STK39: variants seen among roughly 807,000 people sequenced by gnomAD.
The protein encoded by STK39 is STE20/SPS1-related proline-alanine-rich protein kinase.
In STK39, 20 loss-of-function variants were observed where a neutral mutation model predicts 77.8. The ratio of observed to expected loss-of-function variants is 0.26; its 90% CI spans 0.18 to 0.37. The LOEUF (loss-of-function observed/expected upper bound fraction) is 0.37. Among genes scored for constraint, STK39 ranks in the 10% least tolerant of loss-of-function variants. STK39 has a pLI of 1.00. For synonymous variants in STK39, 246 were observed against 234.1 expected (o/e 1.05, Z -0.47); for missense variants, 479 against 656.5 (o/e 0.73, Z 2.95).
At chr2:168,043,829 T>A (rs946464854) in intron 14 of STK39, among the ~76,000 whole-genome samples, 5 of 152,228 alleles carry the variant, frequency 3.3e-5, no homozygotes, top group African/African-American at 1.2e-4. Context: ...GGATTTTAAT[T>A]TCCATTTTTT....
intron 17 of STK39, among the ~76,000 whole-genome samples, chr2:167,960,101 G>A (rs1371044853): frequency 6.6e-6 from 1 of 152,156 alleles, no homozygotes; most frequent in African/African-American, 2.4e-5. Flanking sequence ...TGCAGGAAGG[G>A]CCCTCTGACT....
intron 10 of STK39, among the ~76,000 whole-genome samples, chr2:168,098,802 A>T (rs72889640): frequency 0.32 from 48,641 of 152,138 alleles, 7,975 homozygotes; most frequent in Non-Finnish European, 0.33. Context: ...CTCTTCCAAC[A>T]ATGTATTAAT....
At chr2:167,983,012 G>A (rs149645121) in intron 16 of STK39, among the ~76,000 whole-genome samples, 133 of 152,260 alleles carry the variant, frequency 8.7e-4, no homozygotes, top group South Asian at 1.9e-3. Flanking sequence ...AATATTGAGC[G>A]CAGTGTCTAG....
chr2:168,209,000 G>A (rs980696177), intron 1 of STK39, among the ~76,000 whole-genome samples: 4 of 152,170 alleles, frequency 2.6e-5, no homozygotes, highest in Admixed American at 1.3e-4. Flanking sequence ...AGCCCAGCCT[G>A]ACTGGTAGAA....
intron 10 of STK39, among the ~76,000 whole-genome samples, chr2:168,081,866 G>A (rs567886518): frequency 2.2e-4 from 33 of 152,142 alleles, no homozygotes; most frequent in Non-Finnish European, 3.7e-4. Flanking sequence ...AGCTCTCTTT[G>A]CCTACTGACA....
chr2:168,183,942 T>C (rs966774239), intron 1 of STK39, among the ~76,000 whole-genome samples: 1 of 151,710 alleles, frequency 6.6e-6, no homozygotes, highest in South Asian at 2.1e-4. Context: ...GAAAGTGCTA[T>C]GCAGCTGGTT....
chr2:167,958,004 C>T (rs922186494), intron 17 of STK39, among the ~76,000 whole-genome samples: 1 of 152,226 alleles, frequency 6.6e-6, no homozygotes, highest in African/African-American at 2.4e-5. Flanking sequence ...GCCCTCCTTC[C>T]TCTGCTACCT....
At chr2:167,979,006 C>T (rs546172180) in intron 16 of STK39, among the ~76,000 whole-genome samples, 7 of 152,054 alleles carry the variant, frequency 4.6e-5, no homozygotes, top group Admixed American at 2.0e-4. Flanking sequence ...GGAACATGAT[C>T]GATAATTCAT....
intron 1 of STK39, among the ~76,000 whole-genome samples, chr2:168,184,220 C>A (rs1026550624): frequency 5.3e-5 from 8 of 152,112 alleles, no homozygotes; most frequent in Non-Finnish European, 1.2e-4. Flanking sequence ...CTCCAAGGAA[C>A]AAAAAATAAG....
chr2:168,157,966 C>T (rs948850063), intron 5 of STK39, among the ~76,000 whole-genome samples: 4 of 152,058 alleles, frequency 2.6e-5, no homozygotes, highest in African/African-American at 9.7e-5. Flanking sequence ...CAGAAACCAC[C>T]TCAAAGTGAT....
rs183634219 is a variant in STK39, at chr2:168,063,560, T to C, written c.1316A>G (p.Asn439Ser). 34 of 1,612,658 alleles carry C rather than the reference T, an allele frequency of 2.1e-5. No individual in the cohort carries two copies. The highest frequency in any genetic ancestry group is 6.7e-5 in the Admixed American group (4 of 59,822). Residue 439 changes from asparagine to serine, a missense_variant, in exon 14 of 18, where the codon AAT (asparagine) becomes AGT (serine). Around this residue, in one of 3 missense-constraint regions of STK39, gnomAD observed 244 missense variants for 296.8 expected, o/e 0.82. Coordinates refer to ENST00000355999, the MANE Select transcript of STK39 (RefSeq NM_013233.3). Reference sequence around the variant, plus strand: ...AGCTTCTCTGTAGTCTTCATTAGCATTGGGTGGGCCCTTTAAAAAGAAAAC... The same window carrying C: ...AGCTTCTCTGTAGTCTTCATTAGCACTGGGTGGGCCCTTTAAAAAGAAAAC... Reference protein sequence around the residue: ...LSVHDSQGPPNANEDYREASS... With the variant: ...LSVHDSQGPPSANEDYREASS...
intron 8 of STK39, among the ~76,000 whole-genome samples, chr2:168,133,056 G>A (rs1053584475): frequency 1.3e-5 from 2 of 152,130 alleles, no homozygotes; most frequent in Non-Finnish European, 2.9e-5. Context: ...GACAGAGGAA[G>A]TGCCAACGTA....
rs186909116 is a variant in STK39, at chr2:168,200,392, T to C, written c.209-18302A>G. 8.7e-4 allele frequency among the ~76,000 whole-genome samples: 133 copies of C among 152,262 alleles called. 1 individual carries two copies. The highest frequency in any genetic ancestry group is 2.8e-3 in the Admixed American group (43 of 15,272). On this transcript the variant is annotated intron_variant, in intron 1 of 17. Coordinates refer to ENST00000355999, the MANE Select transcript of STK39 (RefSeq NM_013233.3). ...TTAAAATTGAAACTTAAGCTGGGCA[T>C]GGTGACTCACAACTGTAATCCCGGC...
intron 16 of STK39, among the ~76,000 whole-genome samples, chr2:167,982,128 A>G (rs933908313): frequency 6.6e-6 from 1 of 152,244 alleles, no homozygotes; most frequent in African/African-American, 2.4e-5. Flanking sequence ...CACAGGACAC[A>G]GAGAAGTCGG....
intron 14 of STK39, among the ~76,000 whole-genome samples, chr2:168,047,884 C>T (rs1685285429): frequency 6.6e-6 from 1 of 152,210 alleles, no homozygotes; most frequent in South Asian, 2.1e-4. Context: ...ACAGCATCTT[C>T]CATATCCAAA....
At chr2:167,995,856 T>C (rs1333145209) in intron 16 of STK39, among the ~76,000 whole-genome samples, 1 of 152,216 alleles carries the variant, frequency 6.6e-6, no homozygotes, top group East Asian at 1.9e-4. Flanking sequence ...CATGTGAAAC[T>C]ACCTCTCCTT....
intron 5 of STK39, among the ~76,000 whole-genome samples, chr2:168,145,697 T>C (rs1202666348): frequency 6.6e-6 from 1 of 152,160 alleles, no homozygotes; most frequent in African/African-American, 2.4e-5. Flanking sequence ...ACATATGCCA[T>C]GTGATATTAT....
chr2:168,014,481 G>GA (rs1320718488), intron 15 of STK39, among the ~76,000 whole-genome samples: 1 of 149,878 alleles, frequency 6.7e-6, no homozygotes, highest in African/African-American at 2.5e-5. Context: ...AAAAAGAAAA[G>GA]AAAAAAATAA....
At chr2:168,234,656 G>A (rs1209651057) in intron 1 of STK39, among the ~76,000 whole-genome samples, 1 of 152,122 alleles carries the variant, frequency 6.6e-6, no homozygotes, top group East Asian at 1.9e-4. Flanking sequence ...ATAATCTACT[G>A]TAATAGACCA....
Sources: gnomAD v4.1 joint callset for allele counts (sites outside exome capture counted in the v4.1 genomes callset) on GRCh38, gnomAD v4.1.1 for gene constraint, gnomAD v4.1.1 regional missense constraint, MANE v1.5 for transcripts, NCBI Gene and HGNC (gene_info 2026-07-23, HGNC 2026-07-21) for gene names.